Variants in PSMD1 observed in about 807,000 individuals in gnomAD.
PSMD1 encodes proteasome 26S subunit, non-ATPase 1.
In PSMD1, 18 loss-of-function variants were observed where a neutral mutation model predicts 119.0. The ratio of observed to expected loss-of-function variants is 0.15; its 90% CI spans 0.10 to 0.22. The LOEUF (loss-of-function observed/expected upper bound fraction) is 0.22. Ranked by LOEUF, PSMD1 falls within the 10% of genes least tolerant of loss-of-function variation. The pLI is 1.00. For synonymous variants in PSMD1, 374 were observed against 396.6 expected, an observed-to-expected ratio of 0.94 and a Z score of 0.68; for missense variants, 702 against 1,158.5, an observed-to-expected ratio of 0.61 and a Z score of 5.72.
chr2:231,109,886 T>C (rs1695096770), intron 16 of PSMD1, among the ~76,000 whole-genome samples: 2 of 152,220 alleles, frequency 1.3e-5, no homozygotes, highest in South Asian at 4.1e-4. Flanking sequence ...CAGTTTTTCC[T>C]TTTGATATGT....
chr2:231,098,555 T>TTC (rs145547548), intron 16 of PSMD1, among the ~76,000 whole-genome samples: 225 of 147,794 alleles, frequency 1.5e-3, no homozygotes, highest in East Asian at 3.6e-3. Flanking sequence ...CCCCTTTCTC[T>TTC]TCTCTCTCTC....
At position 231,123,359 on chromosome 2, in the gene PSMD1, A is replaced by G. The variant is rs1426582028; in HGVS notation, c.1884-15377A>G. ...AAGATTAAATGAGTGTCCATTCTCT[A>G]ATAGTATATCATAGTTCTGTGGTTT... On this transcript the variant is annotated intron_variant, in intron 16 of 24. Transcript: ENST00000308696. The G allele has an allele frequency of 9.0e-6, 11 of 1,229,030 alleles. No individual in the cohort carries two copies. In the East Asian group the frequency reaches 1.9e-4, roughly 21 times the overall value. The allele number at this position is 1,229,030 out of a possible 1,614,324, so 76.1% of individuals were successfully genotyped here.
rs1696034157 is a variant in PSMD1, at chr2:231,138,863, G to A, written c.1998+13G>A. On this transcript the variant is annotated intron_variant, in intron 17 of 24. Transcript: ENST00000308696. ...TACAGGAAACAAGGTAAAGCCCACA[G>A]CCAATGGGGTCAGTTCTTTCTTGGC... The A allele has an allele frequency of 1.3e-6, 2 of 1,581,928 alleles. No individual in the cohort carries two copies. The highest frequency in any genetic ancestry group is 1.7e-5 in the Admixed American group (1 of 59,914).
intron 17 of PSMD1, among the ~76,000 whole-genome samples, chr2:231,140,932 A>G (rs1696092017): frequency 1.3e-5 from 2 of 151,598 alleles, no homozygotes; most frequent in South Asian, 4.2e-4. Context: ...ACTTTGGGCA[A>G]CCAAGGCGGG....
intron 4 of PSMD1, among the ~76,000 whole-genome samples, chr2:231,063,813 T>G (rs956259055): frequency 1.7e-5 from 2 of 118,528 alleles, no homozygotes; most frequent in African/African-American, 6.6e-5. Flanking sequence ...CTTACTTATC[T>G]CTTTTATTTG....
intron 4 of PSMD1, among the ~76,000 whole-genome samples, chr2:231,063,755 A>C (rs1326082614): frequency 1.3e-5 from 2 of 152,238 alleles, no homozygotes; most frequent in Non-Finnish European, 2.9e-5. Flanking sequence ...TATTATTTGA[A>C]ACTAGACTAC....
At chr2:231,109,654 A>G (rs144261104) in intron 16 of PSMD1, among the ~76,000 whole-genome samples, 1 of 152,184 alleles carries the variant, frequency 6.6e-6, no homozygotes, top group Non-Finnish European at 1.5e-5. Flanking sequence ...AGCTCCCCTA[A>G]AGCTATAGTA....
intron 6 of PSMD1, 121 bp downstream of exon 6, chr2:231,070,289 C>G (rs886552224): frequency 8.8e-6 from 7 of 795,774 alleles, no homozygotes; most frequent in Non-Finnish European, 1.2e-5. Context: ...CTCAGCTGAT[C>G]TTCACAGCAG....
chr2:231,105,794 CCACTAA>C (rs113354673), intron 16 of PSMD1, among the ~76,000 whole-genome samples: 14 of 152,190 alleles, frequency 9.2e-5, no homozygotes, highest in East Asian at 5.8e-4. Context: ...GAACCAGTTA[CCACTAA>C]CACTAACACT....
intron 19 of PSMD1, among the ~76,000 whole-genome samples, chr2:231,158,788 C>T (rs1696568800): frequency 6.6e-6 from 1 of 152,204 alleles, no homozygotes; most frequent in Middle Eastern, 3.4e-3. Context: ...CTGGAGTCTC[C>T]TTAGGATCTT....
chr2:231,107,229 A>T lies in PSMD1; in HGVS notation c.1883+20048A>T, dbSNP rs570574292. Among the ~76,000 whole-genome samples the T allele has an allele frequency of 2.6e-5, 4 of 152,340 alleles. No individual in the cohort carries two copies. The South Asian group carries it at 8.3e-4, about 32-fold the overall frequency. On this transcript the variant is annotated intron_variant, in intron 16 of 24. Coordinates refer to ENST00000308696, the MANE Select transcript of PSMD1 (RefSeq NM_002807.4). ...TATTAGAGCCGCATTCTAGCAAAGGATTCTGCCACTGTGAAAATATATGCC... is the reference window on the plus strand; with the variant it reads ...TATTAGAGCCGCATTCTAGCAAAGGTTTCTGCCACTGTGAAAATATATGCC...
chr2:231,144,840 T>A (rs1348869545), intron 17 of PSMD1, among the ~76,000 whole-genome samples: 1 of 152,212 alleles, frequency 6.6e-6, no homozygotes, highest in Non-Finnish European at 1.5e-5. Context: ...TTATAAAGAT[T>A]GTTTTGTGCT....
At chr2:231,165,113 A>T in intron 21 of PSMD1, 87 bp from the exon 22 acceptor site, 1 of 518,438 alleles carries the variant, frequency 1.9e-6, no homozygotes, top group Non-Finnish European at 2.8e-6. Flanking sequence ...AGGAAATAGA[A>T]TAGTGTTGTA....
chr2:231,165,734 G>C, intron 22 of PSMD1, 137 bp from the exon 23 acceptor site: 1 of 690,378 alleles, frequency 1.4e-6, no homozygotes, highest in Non-Finnish European at 2.3e-6. Context: ...GAGTCTGATA[G>C]CACTTTAGTT....
intron 16 of PSMD1, among the ~76,000 whole-genome samples, chr2:231,089,508 T>C (rs1463007513): frequency 6.6e-6 from 1 of 152,122 alleles, no homozygotes; most frequent in Non-Finnish European, 1.5e-5. Context: ...ATGCTAAAGC[T>C]GTTCTACGTG....
Position 231,165,145 on chromosome 2 carries a change from G to T in PSMD1, c.2482-55G>T, listed in dbSNP as rs1696747741. 4 of 1,400,682 alleles carry T rather than the reference G, an allele frequency of 2.9e-6. No individual in the cohort carries two copies. In the South Asian group the frequency reaches 6.0e-5, roughly 21 times the overall value. The allele number at this position is 1,400,682 out of a possible 1,614,324, so 86.8% of individuals were successfully genotyped here. A position where few individuals can be genotyped will look rare whatever the true frequency, so the allele number is the denominator to read the frequency against. ...TGTAGGACTGAGTTCTCTAGGGCTT[G>T]CATGTTTGTATGTCAGTAAGGGATT... On this transcript the variant is annotated intron_variant, in intron 21 of 24. Transcript: ENST00000308696.
At position 231,075,546 on chromosome 2, in the gene PSMD1, C is replaced by T. The variant is rs768154788; in HGVS notation, c.917C>T (p.Ala306Val). Reference protein sequence around the residue: ...SMETEEKTSSAFVGKTPEASP... With the variant: ...SMETEEKTSSVFVGKTPEASP... ...GAAACAGAAGAAAAGACAAGCAGTG[C>T]ATTTGTAGGAAAGACACCAGAAGCC... Residue 306 changes from alanine to valine, a missense_variant, in exon 8 of 25, where the codon GCA becomes GTA. By Grantham distance (64) the Ala-to-Val change is moderately conservative (BLOSUM62 0). Coordinates refer to ENST00000308696, the MANE Select transcript of PSMD1 (RefSeq NM_002807.4). 1.2e-6 allele frequency: 2 copies of T among 1,608,580 alleles called. No individual in the cohort carries two copies. Among genetic ancestry groups the T allele is most frequent in the South Asian group, 2.2e-5 (2 of 89,152 alleles).
chr2:231,070,225 A>T (rs894828939), intron 6 of PSMD1, 57 bp downstream of exon 6: 1 of 1,250,482 alleles, frequency 8.0e-7, no homozygotes. Flanking sequence ...GTGCTATGCT[A>T]TACCACTTCA....
At chr2:231,110,784 C>G (rs1695132521) in intron 16 of PSMD1, among the ~76,000 whole-genome samples, 2 of 152,234 alleles carry the variant, frequency 1.3e-5, no homozygotes, top group Admixed American at 1.3e-4. Flanking sequence ...TGGCATACTG[C>G]CACTCCCATT....
Sources: allele counts gnomAD v4.1 joint callset (sites outside exome capture counted in the v4.1 genomes callset), GRCh38; gene constraint gnomAD v4.1.1; transcripts MANE v1.5; gene names NCBI Gene and HGNC (gene_info 2026-07-23, HGNC 2026-07-21).